The following CDH4 variants were observed in gnomAD, a reference collection of about 807,000 sequenced individuals.
CDH4 encodes the protein cadherin 4.
Under a neutral mutation model 86.0 loss-of-function variants are expected in CDH4, and 33 were observed. The observed-to-expected ratio is 0.38, with a 90% CI of 0.29 to 0.51. The LOEUF (loss-of-function observed/expected upper bound fraction) is 0.51. Among genes scored for constraint, CDH4 ranks in the 20% least tolerant of loss-of-function variants. The pLI is 0.86. For missense variants in CDH4, 1,114 were observed against 1,307.4 expected (o/e 0.85, Z 2.28); for synonymous variants, 555 against 549.4 (o/e 1.01, Z -0.14).
intron 2 of CDH4, among the ~76,000 whole-genome samples, chr20:61,646,420 C>G (rs1013432239): frequency 1.3e-5 from 2 of 152,194 alleles, no homozygotes; most frequent in Non-Finnish European, 2.9e-5. Flanking sequence ...ACACAGAGGA[C>G]CAGGGCACAG....
chr20:61,480,475 G>A lies in CDH4; in HGVS notation c.169+225538G>A, dbSNP rs187840156. On this transcript the variant is annotated intron_variant, in intron 2 of 15. Coordinates refer to ENST00000614565, the MANE Select transcript of CDH4 (RefSeq NM_001794.5). The surrounding 1 kb of genome is among the most constrained non-coding windows in gnomAD (Gnocchi z 5.2). Reference sequence around the variant, plus strand: ...TCGTCCAGGTTTTATCAAAGTGCCCGATGAGACATGTTCCCTGAGGAACCC... The same window carrying A: ...TCGTCCAGGTTTTATCAAAGTGCCCAATGAGACATGTTCCCTGAGGAACCC... 4.9e-3 allele frequency among the ~76,000 whole-genome samples: 752 copies of A among 152,330 alleles called. 3 individuals are homozygous for A. The highest frequency in any genetic ancestry group is 7.0e-3 in the Non-Finnish European group (475 of 68,024).
intron 2 of CDH4, among the ~76,000 whole-genome samples, chr20:61,387,216 C>G (rs1352576844): frequency 6.6e-6 from 1 of 151,380 alleles, no homozygotes; most frequent in Non-Finnish European, 1.5e-5. Context: ...ACACACAGAT[C>G]CATATATACA....
chr20:61,527,752 G>A (rs2085921425), intron 2 of CDH4, among the ~76,000 whole-genome samples: 1 of 152,156 alleles, frequency 6.6e-6, no homozygotes, highest in South Asian at 2.1e-4. Context: ...GCCTTGTGGA[G>A]ACGTCTCGTG....
At chr20:61,520,895 C>T (rs1442221074) in intron 2 of CDH4, among the ~76,000 whole-genome samples, 2 of 152,212 alleles carry the variant, frequency 1.3e-5, no homozygotes, top group Non-Finnish European at 2.9e-5. Context: ...GGCAACCGCA[C>T]TTAGTGGGCG....
At chr20:61,841,574 G>C (rs546617515) in intron 4 of CDH4, among the ~76,000 whole-genome samples, 8 of 152,292 alleles carry the variant, frequency 5.3e-5, no homozygotes, top group African/African-American at 1.9e-4. Context: ...CCCATGGACC[G>C]CTGAGGGGCC....
rs1029721966 is a variant in CDH4, at chr20:61,393,747, T to A, written c.169+138810T>A. Among the ~76,000 whole-genome samples, 2 of 152,050 alleles carry A rather than the reference T, an allele frequency of 1.3e-5. No homozygotes were observed. Among genetic ancestry groups the A allele is most frequent in the African/African-American group, 4.8e-5 (2 of 41,396 alleles). The stretch of plus-strand genomic sequence containing the variant: ...AGATATGTAGCTGGCAGGGTTCTCA[T>A]GAGGATTACACGAGTCCTGGAGACC... On this transcript the variant is annotated intron_variant, in intron 2 of 15. Transcript: ENST00000614565. This position sits in a 1 kb window ranked among gnomAD's most constrained non-coding sequence, Gnocchi z 4.3.
chr20:61,381,587 C>T (rs73308701), intron 2 of CDH4, among the ~76,000 whole-genome samples: 5,004 of 152,204 alleles, frequency 0.033, 170 homozygotes, highest in East Asian at 0.15. Flanking sequence ...AAACTGTACA[C>T]GCTATGATGG....
At chr20:61,457,161 A>G (rs972611018) in intron 2 of CDH4, among the ~76,000 whole-genome samples, 1 of 152,148 alleles carries the variant, frequency 6.6e-6, no homozygotes, top group Non-Finnish European at 1.5e-5. Flanking sequence ...TGCTATCACC[A>G]CGGGGGCCCT....
intron 3 of CDH4, among the ~76,000 whole-genome samples, chr20:61,766,366 C>T (rs2088698440): frequency 6.6e-6 from 1 of 152,054 alleles, no homozygotes; most frequent in South Asian, 2.1e-4. Flanking sequence ...TCATCCTAGG[C>T]CCCCCTTGGC....
At chr20:61,640,020 A>T (rs1030733047) in intron 2 of CDH4, among the ~76,000 whole-genome samples, 1 of 152,096 alleles carries the variant, frequency 6.6e-6, no homozygotes, top group Admixed American at 6.6e-5. Flanking sequence ...ATCTTAGTGG[A>T]TAGTTCACTT....
At chr20:61,791,691 G>A (rs1046390812) in intron 4 of CDH4, among the ~76,000 whole-genome samples, 1 of 152,220 alleles carries the variant, frequency 6.6e-6, no homozygotes, top group East Asian at 1.9e-4. Flanking sequence ...GGGGCAGGCT[G>A]GGATGGGGAG....
intron 4 of CDH4, among the ~76,000 whole-genome samples, chr20:61,830,630 C>T (rs982336967): frequency 6.6e-6 from 1 of 152,270 alleles, no homozygotes; most frequent in Non-Finnish European, 1.5e-5. Context: ...GACGCCCTAG[C>T]GTGTGCTCCG....
At chr20:61,630,099 G>A (rs1392488913) in intron 2 of CDH4, among the ~76,000 whole-genome samples, 1 of 152,190 alleles carries the variant, frequency 6.6e-6, no homozygotes, top group Non-Finnish European at 1.5e-5. Context: ...GCCGCTTACA[G>A]CCATGAACAC....
chr20:61,714,292 C>T (rs973586098), intron 2 of CDH4, among the ~76,000 whole-genome samples: 15 of 152,198 alleles, frequency 9.9e-5, no homozygotes, highest in East Asian at 1.9e-4. Flanking sequence ...ATGATCCGCC[C>T]GCCTCAGCTT....
chr20:61,499,924 G>T (rs916248658), intron 2 of CDH4, among the ~76,000 whole-genome samples: 3 of 152,182 alleles, frequency 2.0e-5, no homozygotes, highest in Non-Finnish European at 2.9e-5. Flanking sequence ...TGGTTGGAAG[G>T]GTCAGTGGCA....
intron 2 of CDH4, among the ~76,000 whole-genome samples, chr20:61,313,473 A>G (rs556515879): frequency 3.3e-5 from 5 of 152,218 alleles, no homozygotes; most frequent in African/African-American, 1.2e-4. Flanking sequence ...TTTGTTTTTC[A>G]TCTAAACAAA....
intron 2 of CDH4, among the ~76,000 whole-genome samples, chr20:61,579,040 C>T (rs1374399297): frequency 6.6e-6 from 1 of 152,150 alleles, no homozygotes; most frequent in Non-Finnish European, 1.5e-5. Flanking sequence ...CCGTGATCAT[C>T]CTCAGTCCTG....
chr20:61,372,503 G>A (rs941132936), intron 2 of CDH4, among the ~76,000 whole-genome samples: 1 of 152,206 alleles, frequency 6.6e-6, no homozygotes, highest in Non-Finnish European at 1.5e-5. Context: ...CACAGACTAA[G>A]CAGCACAGAT....
chr20:61,535,630 A>T (rs2085990544), intron 2 of CDH4, among the ~76,000 whole-genome samples: 1 of 152,208 alleles, frequency 6.6e-6, no homozygotes, highest in African/African-American at 2.4e-5. Context: ...TTCAAAAAGC[A>T]TTGGGACTTC....
Sources: allele counts gnomAD v4.1 joint callset (sites outside exome capture counted in the v4.1 genomes callset), GRCh38; gene constraint gnomAD v4.1.1; non-coding constraint Gnocchi (gnomAD v3.1); transcripts MANE v1.5; gene names NCBI Gene and HGNC (gene_info 2026-07-23, HGNC 2026-07-21).